The following CTNND2 variants were observed in gnomAD, a reference collection of about 807,000 sequenced individuals.
The protein encoded by CTNND2 is catenin delta 2.
A neutral mutation model predicts 144.4 loss-of-function variants in CTNND2; 22 were observed. The ratio of observed to expected loss-of-function variants is 0.15; its 90% CI spans 0.11 to 0.22. The LOEUF is 0.22. CTNND2 is among the 10% of genes least tolerant of loss of function. The pLI is 1.00. For missense variants in CTNND2, 1,353 were observed against 1,618.8 expected, an observed-to-expected ratio of 0.84 and a Z score of 2.82; for synonymous variants, 751 against 695.6, an observed-to-expected ratio of 1.08 and a Z score of -1.25.
chr5:11,371,502 A>T (rs919316043), intron 7 of CTNND2, among the ~76,000 whole-genome samples: 3 of 152,236 alleles, frequency 2.0e-5, no homozygotes, highest in Admixed American at 2.0e-4. Flanking sequence ...TCCATGAGGA[A>T]CTGGGCACAT....
At chr5:11,419,052 CTA>C (rs1762145249) in intron 3 of CTNND2, among the ~76,000 whole-genome samples, 6 of 127,824 alleles carry the variant, frequency 4.7e-5, no homozygotes, top group Non-Finnish European at 9.5e-5. Context: ...AGATAGACAT[CTA>C]TATAGATATA....
At chr5:11,901,748 C>G (rs1737906720) in intron 1 of CTNND2, among the ~76,000 whole-genome samples, 1 of 152,134 alleles carries the variant, frequency 6.6e-6, no homozygotes, top group South Asian at 2.1e-4. Flanking sequence ...AACATAAAAC[C>G]CACATATACA....
chr5:11,758,041 T>A (rs1433258951), intron 1 of CTNND2, among the ~76,000 whole-genome samples: 1 of 151,994 alleles, frequency 6.6e-6, no homozygotes, highest in African/African-American at 2.4e-5. Flanking sequence ...AATGTTTGGA[T>A]GTAATAGTTC....
intron 2 of CTNND2, among the ~76,000 whole-genome samples, chr5:11,676,045 G>A (rs1034178450): frequency 2.6e-5 from 4 of 151,594 alleles, no homozygotes; most frequent in Admixed American, 1.3e-4. Context: ...ATCCTGACTG[G>A]GAGACACCTC....
chr5:11,272,961 G>A (rs1746171609), intron 9 of CTNND2, among the ~76,000 whole-genome samples: 1 of 152,096 alleles, frequency 6.6e-6, no homozygotes, highest in Admixed American at 6.5e-5. Flanking sequence ...TAATCTGTCT[G>A]ATGACAGGGA....
At chr5:11,576,074 T>C (rs1253317775) in intron 2 of CTNND2, among the ~76,000 whole-genome samples, 1 of 152,174 alleles carries the variant, frequency 6.6e-6, no homozygotes, top group Non-Finnish European at 1.5e-5. Context: ...TGCAAATCTT[T>C]CTAGACTCTG....
intron 16 of CTNND2, among the ~76,000 whole-genome samples, chr5:11,072,265 T>C (rs1449073544): frequency 6.6e-6 from 1 of 152,230 alleles, no homozygotes; most frequent in African/African-American, 2.4e-5. Context: ...TAATTGAAAG[T>C]AACACACTGC....
At chr5:11,324,406 C>T (rs115403579) in intron 9 of CTNND2, among the ~76,000 whole-genome samples, 145 of 152,322 alleles carry the variant, frequency 9.5e-4, no homozygotes, top group African/African-American at 2.3e-3. Context: ...CCACTTGAAA[C>T]AGCAGAGAAA....
At chr5:11,039,564 A>T (rs1343429085) in intron 16 of CTNND2, among the ~76,000 whole-genome samples, 3 of 152,242 alleles carry the variant, frequency 2.0e-5, no homozygotes, top group East Asian at 3.9e-4. Flanking sequence ...TGATTTTTTT[A>T]AAAAATGAAT....
In CTNND2 at chr5:11,513,692, TA is replaced by T. The variant is rs374374416; in HGVS notation, c.287+51251del. On this transcript the variant is annotated intron_variant, in intron 3 of 21. Coordinates refer to ENST00000304623, the MANE Select transcript of CTNND2 (RefSeq NM_001332.4). The stretch of plus-strand genomic sequence containing the variant: ...TCTAGCAATTCAGTTGTGCGGCTGT[TA>T]AAAAAAAAATCTCTTTAAGTACGTC... 2.5e-3 allele frequency among the ~76,000 whole-genome samples: 376 copies of T among 149,850 alleles called. 2 individuals are homozygous for T. The highest frequency in any genetic ancestry group is 8.5e-3 in the African/African-American group (349 of 40,882).
At chr5:11,367,160 T>C (rs773807706) in intron 7 of CTNND2, among the ~76,000 whole-genome samples, 6 of 152,246 alleles carry the variant, frequency 3.9e-5, no homozygotes, top group African/African-American at 1.4e-4. Context: ...GTAAGCCTTA[T>C]GCATAGTTCT....
At chr5:11,651,935 A>G (rs540266987) in intron 2 of CTNND2, among the ~76,000 whole-genome samples, 1 of 152,150 alleles carries the variant, frequency 6.6e-6, no homozygotes, top group Non-Finnish European at 1.5e-5. Flanking sequence ...CTAGTCTCAG[A>G]TGCGACTTTG....
chr5:11,693,463 TTTTTA>T (rs1487373633), intron 2 of CTNND2, among the ~76,000 whole-genome samples: 1 of 152,238 alleles, frequency 6.6e-6, no homozygotes, highest in Non-Finnish European at 1.5e-5. Flanking sequence ...TTTGTTTTTG[TTTTTA>T]TTTTGTTTTG....
At chr5:11,261,330 T>A (rs1356885956) in intron 9 of CTNND2, among the ~76,000 whole-genome samples, 1 of 152,212 alleles carries the variant, frequency 6.6e-6, no homozygotes, top group Non-Finnish European at 1.5e-5. Flanking sequence ...CTTTATATTC[T>A]GGGAGTTCCT....
At chr5:11,300,474 G>A (rs1749472264) in intron 9 of CTNND2, among the ~76,000 whole-genome samples, 1 of 152,218 alleles carries the variant, frequency 6.6e-6, no homozygotes, top group African/African-American at 2.4e-5. Context: ...TCCCCCAGAT[G>A]TTCTGCCATC....
At chr5:11,367,387 A>G (rs188601641) in intron 7 of CTNND2, among the ~76,000 whole-genome samples, 8 of 152,380 alleles carry the variant, frequency 5.3e-5, no homozygotes, top group African/African-American at 1.9e-4. Context: ...TTAGATCCAT[A>G]TGAACAAGGC....
At chr5:11,617,303 G>A (rs1780626152) in intron 2 of CTNND2, among the ~76,000 whole-genome samples, 1 of 152,104 alleles carries the variant, frequency 6.6e-6, no homozygotes, top group South Asian at 2.1e-4. Context: ...CTCACCCCTG[G>A]AAGGAAATTC....
At chr5:11,861,851 T>C (rs1363526907) in intron 1 of CTNND2, among the ~76,000 whole-genome samples, 1 of 152,220 alleles carries the variant, frequency 6.6e-6, no homozygotes, top group Non-Finnish European at 1.5e-5. Context: ...TTCTTGAGTA[T>C]ACTCGGCATT....
intron 2 of CTNND2, among the ~76,000 whole-genome samples, chr5:11,710,210 C>T (rs1335412538): frequency 2.6e-5 from 4 of 152,088 alleles, no homozygotes; most frequent in African/African-American, 7.2e-5. Context: ...ACCTGCTTCC[C>T]TTTGTCTCCA....
Sources: allele counts gnomAD v4.1 joint callset (sites outside exome capture counted in the v4.1 genomes callset), GRCh38; gene constraint gnomAD v4.1.1; transcripts MANE v1.5; gene names NCBI Gene and HGNC (gene_info 2026-07-23, HGNC 2026-07-21).